Variants in RNF213 observed in about 807,000 individuals in gnomAD.
RNF213 encodes the protein ring finger protein 213.
RNF213 carries 341 observed loss-of-function variants against 514.4 expected under a neutral mutation model. The observed-to-expected ratio is 0.66, with a 90% confidence interval of 0.61 to 0.73. RNF213 has a LOEUF of 0.73. Ranked by LOEUF, RNF213 falls within the 30% of genes least tolerant of loss-of-function variation. The probability of loss-of-function intolerance (pLI) is 0.00; values close to 1 mark genes in which losing one functional copy is unlikely to be tolerated. For synonymous variants in RNF213, 2,655 were observed against 2,658.2 expected (o/e 1.00, Z 0.04); for missense variants, 5,767 against 6,615.6 (o/e 0.87, Z 4.45).
rs1209017814 is a variant in RNF213 at position 80,340,236 on chromosome 17, G to A, written c.5869G>A (p.Glu1957Lys). ...CTTCGTCACCCCCCAGGCACCCCTC[G>A]AGGCCATCCAAGCCTACCTGGCAGG... ...KVFVTPQAPL[E>K]AIQAYLAGHY... is the part of the protein sequence containing the mutation. Residue 1957 changes from glutamate (E) to lysine (K), a missense_variant, in exon 26 of 68, where the codon GAG becomes AAG. Physicochemically the swap from Glu to Lys is moderately conservative, Grantham distance 56. Transcript: ENST00000582970. The A allele has an allele frequency of 1.2e-5, 19 of 1,613,910 alleles. No homozygotes were observed. The highest frequency in any genetic ancestry group is 1.4e-5 in the Non-Finnish European group (16 of 1,180,006).
At chr17:80,381,185 T>C in intron 56 of RNF213, 198 bp downstream of exon 56, 1 of 651,532 alleles carries the variant, frequency 1.5e-6, no homozygotes, top group Non-Finnish European at 2.7e-6. Flanking sequence ...ACTCCCCAGA[T>C]TATACAGAAT....
intron 49 of RNF213, among the ~76,000 whole-genome samples, chr17:80,374,018 A>AC (rs1166926436): frequency 5.9e-5 from 9 of 151,612 alleles, no homozygotes. Context: ...AAAAAAAAAA[A>AC]AAAAAAGAGG....
chr17:80,367,879 G>A (rs537133079), intron 43 of RNF213, 31 bp downstream of exon 43: 60 of 1,613,588 alleles, frequency 3.7e-5, no homozygotes, highest in East Asian at 2.7e-4. Context: ...CTGTGAAGGC[G>A]AGAATTCTGA....
chr17:80,340,007 C>T lies in RNF213; in HGVS notation c.5640C>T (p.Arg1880=). 1 of 1,539,972 alleles carries T rather than the reference C, an allele frequency of 6.5e-7. No homozygotes were observed. Among genetic ancestry groups the T allele is most frequent in the South Asian group, 1.2e-5 (1 of 84,274 alleles). Residue 1880 remains arginine (R), a synonymous_variant, in exon 26 of 68, where the codon CGC becomes CGT. Transcript: ENST00000582970. ...TFEEVALLLR[R]CLTLGSLGHK... is the part of the protein sequence containing the mutation. ...AGGAGGTGGCACTGTTGCTGCGCCG[C>T]TGCCTGACCCTGGGCTCCCTGGGGC... is the stretch of plus-strand genomic sequence containing the variant.
chr17:80,374,710 C>A, intron 50 of RNF213, 121 bp downstream of exon 50: 1 of 1,236,448 alleles, frequency 8.1e-7, no homozygotes, highest in Non-Finnish European at 1.2e-6. Flanking sequence ...TCACGTGACA[C>A]TGTATTGGAA....
intron 1 of RNF213, among the ~76,000 whole-genome samples, chr17:80,262,979 G>A (rs2043477106): frequency 1.3e-5 from 2 of 152,220 alleles, no homozygotes; most frequent in East Asian, 3.9e-4. Context: ...TTACTGGGGA[G>A]GGAGAGAGTC....
intron 42 of RNF213, chr17:80,364,822 A>C (rs192057296): frequency 3.0e-4 from 134 of 450,538 alleles, no homozygotes; most frequent in African/African-American, 2.5e-3. Flanking sequence ...GACGCAGGGA[A>C]CATGCTTGTG....
chr17:80,307,135 A>G lies in RNF213; in HGVS notation c.2435A>G (p.Gln812Arg). The G allele has an allele frequency of 6.2e-7, 1 of 1,613,548 alleles. No individual in the cohort carries two copies. Among genetic ancestry groups the G allele is most frequent in the Non-Finnish European group, 8.5e-7 (1 of 1,179,776 alleles). Reference protein sequence around the residue: ...LEQVLNTQDVQDVQNVQNILE... With the variant: ...LEQVLNTQDVRDVQNVQNILE... ...TTTTTTTCTCTGCCTTAGGATGTTC[A>G]GGATGTTCAGAACGTTCAGAACATT... The change falls in exon 13 of 68, where the codon CAG becomes CGG. Residue 812 changes from glutamine (Q) to arginine (R), a missense_variant. Physicochemically the swap from Gln to Arg is conservative, Grantham distance 43. Around this residue, in one of 13 missense-constraint regions of RNF213, gnomAD observed 592 missense variants for 673.9 expected, o/e 0.88. Coordinates refer to ENST00000582970, the MANE Select transcript of RNF213 (RefSeq NM_001256071.3).
rs1158328224 is a variant in RNF213 at position 80,385,637 on chromosome 17, C to G, written c.14539+16C>G. The stretch of plus-strand genomic sequence containing the variant: ...GAGACGAACGGTTAGTATCCTGTCC[C>G]CTGTACCACTAAGCGTTCCAGGAGA... On this transcript the variant is annotated intron_variant, in intron 61 of 67. Coordinates refer to ENST00000582970, the MANE Select transcript of RNF213 (RefSeq NM_001256071.3). 3.1e-6 allele frequency: 5 copies of G among 1,608,758 alleles called. No homozygotes were observed. The African/African-American group carries it at 5.3e-5, about 17-fold the overall frequency.
intron 30 of RNF213, 77 bp downstream of exon 30, chr17:80,349,983 C>A: frequency 6.5e-7 from 1 of 1,535,024 alleles, no homozygotes; most frequent in Non-Finnish European, 9.0e-7. Context: ...CGATGGTACC[C>A]GCGCCGGTTA....
At chr17:80,382,817 T>TGGTAACAACA in intron 57 of RNF213, 162 bp from the exon 58 acceptor site, 1 of 619,118 alleles carries the variant, frequency 1.6e-6, no homozygotes, top group Non-Finnish European at 3.0e-6. Flanking sequence ...ATTAAGTTGG[T>TGGTAACAACA]GGTAACAACA....
chr17:80,339,797 A>G lies in RNF213; in HGVS notation c.5430A>G (p.Ala1810=), dbSNP rs2078096100. The change falls in exon 26 of 68, where the codon GCA becomes GCG. Residue 1810 remains alanine (A), a synonymous_variant. Coordinates refer to ENST00000582970, the MANE Select transcript of RNF213 (RefSeq NM_001256071.3). ...TTGGCCACTGTCTGGCTCACCTGGC[A>G]GGGATGGGTGGGTCTCCCGTGGAGC... The part of the protein sequence containing the change: ...ETLGHCLAHL[A]GMGGSPVERC... 6.5e-7 allele frequency: 1 copy of G among 1,534,576 alleles called. No individual in the cohort carries two copies.
intron 16 of RNF213, among the ~76,000 whole-genome samples, chr17:80,318,365 C>T (rs975091320): frequency 6.6e-6 from 1 of 152,046 alleles, no homozygotes; most frequent in Non-Finnish European, 1.5e-5. Context: ...CCCCTGTCTG[C>T]GTAGGATTTC....
chr17:80,298,246 G>C (rs1448258806), intron 10 of RNF213, 75 bp from the exon 11 acceptor site: 4 of 1,488,028 alleles, frequency 2.7e-6, no homozygotes, highest in Non-Finnish European at 3.7e-6. Flanking sequence ...CTTGCTTCCT[G>C]TTGGGACTCC....
In RNF213 at chr17:80,317,321, G is replaced by A. The variant is rs536743397; in HGVS notation, c.2901+44G>A. On this transcript the variant is annotated intron_variant, in intron 16 of 67. Coordinates refer to ENST00000582970, the MANE Select transcript of RNF213 (RefSeq NM_001256071.3). The surrounding 1 kb of genome is among the most constrained non-coding windows in gnomAD (Gnocchi z 4.1). The stretch of plus-strand genomic sequence containing the variant: ...CAGTCTTTTCAGGGCGTGAAGGCAA[G>A]CTGGAGAACCCCAGACCATTAGCGA... 3 of 1,568,106 alleles carry A rather than the reference G, an allele frequency of 1.9e-6. No individual in the cohort carries two copies. In the South Asian group the frequency reaches 3.4e-5, roughly 18 times the overall value.
intron 39 of RNF213, 39 bp from the exon 40 acceptor site, chr17:80,363,063 A>C (rs1480599930): frequency 6.4e-7 from 1 of 1,557,982 alleles, no homozygotes; most frequent in Non-Finnish European, 8.8e-7. Flanking sequence ...CCATTTTTGT[A>C]ATTTAAAAAT....
At chr17:80,351,980 A>C (rs956039381) in intron 32 of RNF213, 177 bp downstream of exon 32, 9 of 483,842 alleles carry the variant, frequency 1.9e-5, no homozygotes, top group African/African-American at 1.4e-4. Context: ...TCAGCCTCCC[A>C]AGTAGCTGGC....
chr17:80,332,723 G>A, intron 21 of RNF213, 92 bp downstream of exon 21: 2 of 1,394,748 alleles, frequency 1.4e-6, no homozygotes, highest in Non-Finnish European at 1.9e-6. Flanking sequence ...TGAAAAGGGG[G>A]GCGGATGACT....
Position 80,381,602 on chromosome 17 carries a change from A to G in RNF213, c.13853A>G (p.Gln4618Arg). 2.5e-6 allele frequency: 4 copies of G among 1,614,256 alleles called. No homozygotes were observed. Among genetic ancestry groups the G allele is most frequent in the Non-Finnish European group, 3.4e-6 (4 of 1,180,050 alleles). The change falls in exon 57 of 68, where the codon CAG (glutamine) becomes CGG (arginine). Residue 4618 changes from glutamine to arginine, a missense_variant. Physicochemically the swap from Gln to Arg is conservative, Grantham distance 43 (BLOSUM62 1). This residue lies in a region of RNF213 where 1,245 missense variants were observed against 1,339.0 expected (regional missense o/e 0.93). Coordinates refer to ENST00000582970, the MANE Select transcript of RNF213 (RefSeq NM_001256071.3). ...PVRDPKGFLQ[Q>R]HILKDLEQLA... ...AGGGATCCAAAAGGCTTTCTGCAGC[A>G]GCACATCCTGAAGGACCTGGAGCAG...
Sources: gnomAD v4.1 joint callset for allele counts (sites outside exome capture counted in the v4.1 genomes callset) on GRCh38, gnomAD v4.1.1 for gene constraint, gnomAD v4.1.1 regional missense constraint, Gnocchi (gnomAD v3.1) non-coding constraint, MANE v1.5 for transcripts, NCBI Gene and HGNC (gene_info 2026-07-23, HGNC 2026-07-21) for gene names.